AGBL4: variants seen among roughly 807,000 people sequenced by gnomAD.
AGBL4 encodes the protein AGBL carboxypeptidase 4, also known as cytosolic carboxypeptidase 6.
A neutral mutation model predicts 66.4 loss-of-function variants in AGBL4; 58 were observed. The observed-to-expected ratio is 0.87, with a 90% confidence interval of 0.71 to 1.09. AGBL4 has a LOEUF of 1.09. AGBL4 is among the 50% of genes least tolerant of loss of function. The probability of loss-of-function intolerance (pLI) is 0.00; values close to 1 mark genes in which losing one functional copy is unlikely to be tolerated. For synonymous variants in AGBL4, 234 were observed against 222.9 expected (o/e 1.05, Z -0.44); for missense variants, 579 against 631.0 (o/e 0.92, Z 0.88).
At chr1:48,617,768 C>T (rs962762119) in intron 9 of AGBL4, among the ~76,000 whole-genome samples, 10 of 152,164 alleles carry the variant, frequency 6.6e-5, no homozygotes, top group African/African-American at 2.2e-4. Context: ...ATGGCTTGGA[C>T]CCTTGAGTAC....
At chr1:48,540,900 G>C (rs137866780) in intron 11 of AGBL4, among the ~76,000 whole-genome samples, 2 of 151,922 alleles carry the variant, frequency 1.3e-5, no homozygotes, top group Non-Finnish European at 2.9e-5. Flanking sequence ...ATTTTCTACC[G>C]TGCAGCCAGG....
At chr1:48,758,794 A>C (rs940386672) in intron 6 of AGBL4, 1 of 1,026,766 alleles carries the variant, frequency 9.7e-7, no homozygotes, top group Non-Finnish European at 1.4e-6. Flanking sequence ...GTCCTTCCCT[A>C]GCCTCAGGGC....
chr1:48,527,003 T>G, the AGBL4 span, among the ~76,000 whole-genome samples: 1 of 152,086 alleles, frequency 6.6e-6, no homozygotes, highest in African/African-American at 2.4e-5. Context: ...AGTTGGAGCT[T>G]AATTCTGTAA....
intron 4 of AGBL4, among the ~76,000 whole-genome samples, chr1:49,237,260 C>G (rs538512236): frequency 1.3e-5 from 2 of 149,416 alleles, no homozygotes; most frequent in Admixed American, 6.7e-5. Context: ...GAGACTACGT[C>G]TAAAAAAAAC....
rs775602543 is a variant in AGBL4, at chr1:48,590,988, G to T, written c.952-3C>A. The T allele has an allele frequency of 6.2e-7, 1 of 1,604,714 alleles. No homozygotes were observed. On this transcript the variant is annotated splice_region_variant and splice_polypyrimidine_tract_variant and intron_variant, in intron 9 of 13. Transcript: ENST00000371839. ...ATATAAAACTCCAGGCTTGTTTTCT[G>T]TTGAGAGAAAGGATAACAAATGAGA...
intron 2 of AGBL4, among the ~76,000 whole-genome samples, chr1:49,723,238 T>C (rs1186019307): frequency 6.6e-6 from 1 of 152,128 alleles, no homozygotes; most frequent in Non-Finnish European, 1.5e-5. Flanking sequence ...CCGTAGTCCT[T>C]AACCTTGGCT....
intron 4 of AGBL4, among the ~76,000 whole-genome samples, chr1:49,130,790 G>T (rs1322851831): frequency 6.6e-6 from 1 of 151,938 alleles, no homozygotes; most frequent in Non-Finnish European, 1.5e-5. Context: ...TTGACTTGGC[G>T]ATGTGGGCTC....
chr1:49,277,937 A>C (rs1406579758), intron 3 of AGBL4, among the ~76,000 whole-genome samples: 8 of 152,020 alleles, frequency 5.3e-5, no homozygotes, highest in Non-Finnish European at 1.2e-4. Context: ...TTTTCGTTCT[A>C]TTTTGTTCTG....
At chr1:48,700,668 A>C (rs1646787190) in intron 6 of AGBL4, among the ~76,000 whole-genome samples, 1 of 152,104 alleles carries the variant, frequency 6.6e-6, no homozygotes, top group African/African-American at 2.4e-5. Context: ...TCTCTTATCT[A>C]CCCACAAAAG....
chr1:49,286,469 G>T (rs533181355), intron 3 of AGBL4, among the ~76,000 whole-genome samples: 32 of 152,146 alleles, frequency 2.1e-4, no homozygotes, highest in African/African-American at 7.2e-4. Flanking sequence ...AACCCCATTG[G>T]CTCAGACCAA....
At chr1:49,363,304 C>T (rs1190863796) in intron 3 of AGBL4, among the ~76,000 whole-genome samples, 1 of 152,156 alleles carries the variant, frequency 6.6e-6, no homozygotes, top group Non-Finnish European at 1.5e-5. Context: ...GTCACATGGG[C>T]CTTGTCTAAT....
rs566361105 is a variant in AGBL4, at chr1:48,628,386, G to A, written c.951+6107C>T. On this transcript the variant is annotated intron_variant, in intron 9 of 13. Coordinates refer to ENST00000371839, the MANE Select transcript of AGBL4 (RefSeq NM_032785.4). ...ATGGACTACTCTGATTTTCAAGACTGAGAGAGGATATATGCTGGAATATTC... is the reference window on the plus strand; with the variant it reads ...ATGGACTACTCTGATTTTCAAGACTAAGAGAGGATATATGCTGGAATATTC... Among the ~76,000 whole-genome samples the A allele has an allele frequency of 5.9e-5, 9 of 152,276 alleles. No homozygotes were observed. The South Asian group carries it at 1.7e-3, about 28-fold the overall frequency.
intron 1 of AGBL4, among the ~76,000 whole-genome samples, chr1:49,883,978 T>G (rs1480842019): frequency 1.3e-5 from 2 of 152,004 alleles, no homozygotes; most frequent in Non-Finnish European, 2.9e-5. Flanking sequence ...CCATTAAAAA[T>G]AATGACATTT....
At chr1:48,825,262 C>A (rs1041972607) in intron 6 of AGBL4, among the ~76,000 whole-genome samples, 3 of 152,160 alleles carry the variant, frequency 2.0e-5, no homozygotes, top group Admixed American at 6.5e-5. Flanking sequence ...CCCGCCTTCT[C>A]ACTGGGTCTG....
At chr1:49,989,365 G>A (rs944601831) in intron 1 of AGBL4, among the ~76,000 whole-genome samples, 8 of 152,192 alleles carry the variant, frequency 5.3e-5, no homozygotes, top group African/African-American at 1.9e-4. Context: ...TGGCACCAAT[G>A]AGGTAGGGTC....
chr1:49,355,712 A>G (rs930908791), intron 3 of AGBL4, among the ~76,000 whole-genome samples: 3 of 152,104 alleles, frequency 2.0e-5, no homozygotes, highest in African/African-American at 7.2e-5. Flanking sequence ...CTTTTTTGCT[A>G]TTCTTCAAAG....
chr1:49,038,512 C>T (rs1664844679), intron 5 of AGBL4, among the ~76,000 whole-genome samples: 1 of 151,960 alleles, frequency 6.6e-6, no homozygotes, highest in Non-Finnish European at 1.5e-5. Flanking sequence ...AATAAGAAAA[C>T]AAACAACCCA....
At chr1:48,695,984 T>C (rs569635394) in intron 6 of AGBL4, among the ~76,000 whole-genome samples, 2 of 151,898 alleles carry the variant, frequency 1.3e-5, no homozygotes, top group Admixed American at 6.5e-5. Context: ...TCTTTAAACA[T>C]CTCTGGTTGA....
chr1:48,637,683 C>T (rs993332750), intron 8 of AGBL4, among the ~76,000 whole-genome samples: 8 of 152,188 alleles, frequency 5.3e-5, no homozygotes, highest in African/African-American at 1.2e-4. Flanking sequence ...CAGAGCTGCT[C>T]GGTTAATTGC....
Sources: allele counts gnomAD v4.1 joint callset (sites outside exome capture counted in the v4.1 genomes callset), GRCh38; gene constraint gnomAD v4.1.1; transcripts MANE v1.5; gene names NCBI Gene and HGNC (gene_info 2026-07-23, HGNC 2026-07-21).